Variants in CHERP observed in about 807,000 individuals in gnomAD.
CHERP encodes the protein ERPROT 213-21.
In CHERP, 8 loss-of-function variants were observed where a neutral mutation model predicts 113.8. That is an observed-to-expected ratio of 0.07 (90% CI 0.04 to 0.13). CHERP has a LOEUF of 0.13. Ranked by LOEUF, CHERP falls within the 10% of genes least tolerant of loss-of-function variation. The pLI is 1.00. For synonymous variants in CHERP, 559 were observed against 524.5 expected, an observed-to-expected ratio of 1.07 and a Z score of -0.90; for missense variants, 884 against 1,298.2, an observed-to-expected ratio of 0.68 and a Z score of 4.90.
At chr19:16,521,424 C>A in intron 12 of CHERP, 97 bp downstream of exon 12, 1 of 1,227,984 alleles carries the variant, frequency 8.1e-7, no homozygotes, top group Non-Finnish European at 1.1e-6. Context: ...TCCTGAGGGA[C>A]AGCCACATTT....
rs2085650240 is a variant in CHERP at position 16,525,371 on chromosome 19, G to T, written c.1612C>A (p.Pro538Thr). The change falls in exon 10 of 17, where the codon CCT becomes ACT. Residue 538 changes from proline (P) to threonine (T), a missense_variant. By Grantham distance (38) the Pro-to-Thr change is conservative. Transcript: ENST00000546361. The surrounding 1 kb of genome is among the most constrained non-coding windows in gnomAD (Gnocchi z 6.5). ...PHQQHPQFNQ[P>T]PHPHNFNRFP... ...CGGTTGAAGTTGTGGGGGTGCGGAG[G>T]CTGGTTGAACTGCGGGTGCTGCTGG... The T allele has an allele frequency of 6.7e-7, 1 of 1,493,636 alleles. No individual in the cohort carries two copies. The highest frequency in any genetic ancestry group is 8.9e-7 in the Non-Finnish European group (1 of 1,121,836). The allele number at this position is 1,493,636 out of a possible 1,614,324, so 92.5% of individuals were successfully genotyped here.
Position 16,529,739 on chromosome 19 carries a change from C to T in CHERP, c.1038G>A (p.Gln346=). ...QQQQQQLQMP[Q]MEAEVKATPP... is the part of the protein sequence containing the mutation. ...GCGTGGCCTTGACTTCAGCCTCCAT[C>T]TGCGGCATCTGGAGCTGCTGCTGCT... Residue 346 remains glutamine (Q), a synonymous_variant, in exon 8 of 17, where the codon CAG becomes CAA. Coordinates refer to ENST00000546361, the MANE Select transcript of CHERP (RefSeq NM_006387.6). 1.9e-6 allele frequency: 3 copies of T among 1,610,736 alleles called. No individual in the cohort carries two copies. The South Asian group carries it at 3.3e-5, about 18-fold the overall frequency.
Position 16,530,802 on chromosome 19 carries a change from G to C in CHERP, c.753C>G (p.Ala251=), listed in dbSNP as rs566501795. 6.2e-7 allele frequency: 1 copy of C among 1,613,948 alleles called. No individual in the cohort carries two copies. The highest frequency in any genetic ancestry group is 8.5e-7 in the Non-Finnish European group (1 of 1,179,984). The stretch of plus-strand genomic sequence containing the variant: ...TCTTCTGCTGCTTGTCTTCCTCCAC[G>C]GCCAAGAAGCTGGTGCAGTAGATGG... ...VVPIYCTSFL[A]VEEDKQQKIA... The change falls in exon 6 of 17, where the codon GCC becomes GCG. Residue 251 remains alanine, a synonymous_variant. Coordinates refer to ENST00000546361, the MANE Select transcript of CHERP (RefSeq NM_006387.6). This position sits in a 1 kb window ranked among gnomAD's most constrained non-coding sequence, Gnocchi z 4.1.
intron 5 of CHERP, chr19:16,531,975 C>A (rs12461448): frequency 1.7e-5 from 2 of 115,166 alleles, no homozygotes; most frequent in Non-Finnish European, 3.6e-5. Context: ...TTTTTTTTTT[C>A]TTTTTTGCTA....
At chr19:16,522,915 G>T in intron 11 of CHERP, 137 bp downstream of exon 11, 2 of 1,017,448 alleles carry the variant, frequency 2.0e-6, no homozygotes, top group East Asian at 3.0e-5. Flanking sequence ...TCCCACTGAC[G>T]GATCAGGGTC....
intron 1 of CHERP, 147 bp from the exon 2 acceptor site, chr19:16,542,190 G>A (rs1328543615): frequency 2.8e-6 from 3 of 1,084,214 alleles, no homozygotes; most frequent in East Asian, 6.2e-5. Flanking sequence ...CCCGATAGGG[G>A]CCACACGCTC....
Position 16,542,042 on chromosome 19 carries a change from G to A in CHERP, c.27C>T (p.Asp9=). 1 of 1,610,342 alleles carries A rather than the reference G, an allele frequency of 6.2e-7. No individual in the cohort carries two copies. Among genetic ancestry groups the A allele is most frequent in the South Asian group, 1.1e-5 (1 of 90,806 alleles). Residue 9 remains aspartate, a splice_region_variant and synonymous_variant, in exon 2 of 17, where the codon GAC becomes GAT. Transcript: ENST00000546361. MEMPLPPD[D]QELRNVIDKL... is the part of the protein sequence containing the mutation. ...TGTCGATGACATTTCGAAGCTCCTG[G>A]TCTGGAGGACGGAGAAAAGGCCACG...
At chr19:16,539,693 G>C (rs1183399422) in intron 2 of CHERP, 2 of 152,026 alleles carry the variant, frequency 1.3e-5, no homozygotes, top group African/African-American at 2.4e-5. Flanking sequence ...TTATTAAATA[G>C]ATTCTCTACT....
rs1217871464 is a variant in CHERP at position 16,525,322 on chromosome 19, T to C, written c.1661A>G (p.Asp554Gly). The C allele has an allele frequency of 2.0e-6, 3 of 1,464,470 alleles. No homozygotes were observed. 90.7% of individuals were successfully genotyped at this position (1,464,470 alleles called of 1,614,324 possible). ...FNRFPPRFMQ[D>G]DFPPRHPFER... ...GAAGGGGTGCCGTGGCGGGAAGTCG[T>C]CCTGCATGAAGCGGGGCGGGAAGCG... The change falls in exon 10 of 17, where the codon GAC becomes GGC. Residue 554 changes from aspartate (D) to glycine (G), a missense_variant. Asp to Gly is a moderately conservative substitution (Grantham distance 94). Transcript: ENST00000546361. This position sits in a 1 kb window ranked among gnomAD's most constrained non-coding sequence, Gnocchi z 6.5.
rs1188583689 is a variant in CHERP, at chr19:16,519,554, G to C, written c.2557+67C>G. On this transcript the variant is annotated intron_variant, in intron 16 of 16. Transcript: ENST00000546361. This position sits in a 1 kb window ranked among gnomAD's most constrained non-coding sequence, Gnocchi z 6.0. ...CCACATGCACTGAGGAAGAGAAAGC[G>C]CTGGTGACTCCCGGGCCCAGCACGC... 1.4e-6 allele frequency: 2 copies of C among 1,423,064 alleles called. No homozygotes were observed. Among genetic ancestry groups the C allele is most frequent in the Non-Finnish European group, 2.0e-6 (2 of 1,008,584 alleles). 88.2% of individuals were successfully genotyped at this position (1,423,064 alleles called of 1,614,324 possible).
Position 16,520,159 on chromosome 19 carries a change from G to A in CHERP, c.2452C>T (p.Pro818Ser). The A allele has an allele frequency of 6.2e-7, 1 of 1,612,450 alleles. No individual in the cohort carries two copies. The highest frequency in any genetic ancestry group is 1.1e-5 in the South Asian group (1 of 91,048). ...GRRRRSRSRS[P>S]TPPSSAGLGS... ...AAGACAGGATCTTACGGCGGGGTGG[G>A]GCTCCTGGACCGTGACCGGCGTCTT... The change falls in exon 15 of 17, where the codon CCC becomes TCC. Residue 818 changes from proline to serine, a missense_variant. Coordinates refer to ENST00000546361, the MANE Select transcript of CHERP (RefSeq NM_006387.6). This position sits in a 1 kb window ranked among gnomAD's most constrained non-coding sequence, Gnocchi z 4.0.
At position 16,525,028 on chromosome 19, in the gene CHERP, T is replaced by C. The variant is rs2085647477; in HGVS notation, c.1741+214A>G. ...ACCTTTTCCTACTGGCTCTGCCTCA[T>C]CTGCAGCCAGCCGGGCCTCATCAGG... On this transcript the variant is annotated intron_variant, in intron 10 of 16. Transcript: ENST00000546361. The surrounding 1 kb of genome is among the most constrained non-coding windows in gnomAD (Gnocchi z 6.5). Among the ~76,000 whole-genome samples the C allele has an allele frequency of 1.3e-5, 2 of 152,162 alleles. No individual in the cohort carries two copies. The highest frequency in any genetic ancestry group is 2.9e-5 in the Non-Finnish European group (2 of 68,032).
intron 2 of CHERP, among the ~76,000 whole-genome samples, chr19:16,537,699 TGGATCTGC>T (rs2085750943): frequency 6.6e-6 from 1 of 151,682 alleles, no homozygotes; most frequent in Admixed American, 6.6e-5. Flanking sequence ...GTCACCACCA[TGGATCTGC>T]TGTCACCTGC....
rs1599752449 is a variant in CHERP, at chr19:16,532,544, G to T, written c.674+54C>A. ...CCGGAGCAAGCGGCCACCCAGGAGG[G>T]TTGAGGAGGAGCGCGAGGAAGTGGC... On this transcript the variant is annotated intron_variant, in intron 5 of 16. Transcript: ENST00000546361. The surrounding 1 kb of genome is among the most constrained non-coding windows in gnomAD (Gnocchi z 4.4). The T allele has an allele frequency of 6.6e-7, 1 of 1,516,650 alleles. No homozygotes were observed. Among genetic ancestry groups the T allele is most frequent in the African/African-American group, 1.4e-5 (1 of 73,448 alleles). 93.9% of individuals were successfully genotyped at this position (1,516,650 alleles called of 1,614,324 possible).
rs2085579782 is a variant in CHERP at position 16,519,082 on chromosome 19, A to G, written c.*77T>C. 7.4e-6 allele frequency: 10 copies of G among 1,344,134 alleles called. No individual in the cohort carries two copies. The highest frequency in any genetic ancestry group is 5.0e-5 in the South Asian group (4 of 79,478). The allele number at this position is 1,344,134 out of a possible 1,614,324, so 83.3% of individuals were successfully genotyped here. ...GTGTAAGAACTGAGCTGTCACTGCA[A>G]TCTTCCTCTGCCAGTCAGCCAGGAA... On this transcript the variant is annotated 3_prime_UTR_variant, in exon 17 of 17. Transcript: ENST00000546361. The surrounding 1 kb of genome is among the most constrained non-coding windows in gnomAD (Gnocchi z 6.0).
chr19:16,519,327 A>T lies in CHERP; in HGVS notation c.2583T>A (p.Gly861=), dbSNP rs570874567. 2.7e-5 allele frequency: 43 copies of T among 1,613,054 alleles called. No homozygotes were observed. The East Asian group carries it at 9.4e-4, about 35-fold the overall frequency. The change falls in exon 17 of 17, where the codon GGT becomes GGA. Residue 861 remains glycine, a synonymous_variant. Coordinates refer to ENST00000546361, the MANE Select transcript of CHERP (RefSeq NM_006387.6). The surrounding 1 kb of genome is among the most constrained non-coding windows in gnomAD (Gnocchi z 6.0). ...KMGWSGSGGL[G]AKEQGIQDPI... ...GGTCCTGGATCCCTTGCTCCTTCGC[A>T]CCGAGGCCGCCTGAGCCGCTCCAGC...
intron 12 of CHERP, chr19:16,521,306 C>T: frequency 1.7e-6 from 1 of 579,246 alleles, no homozygotes; most frequent in Non-Finnish European, 3.0e-6. Context: ...GCCACACCTT[C>T]CCTAACTTCT....
At position 16,520,933 on chromosome 19, in the gene CHERP, TGTG is replaced by T; in HGVS notation, c.2115-24_2115-22del. 6.2e-7 allele frequency: 1 copy of T among 1,607,296 alleles called. No homozygotes were observed. Among genetic ancestry groups the T allele is most frequent in the South Asian group, 1.1e-5 (1 of 90,970 alleles). ...CTTCACTGTAAGACACGGCATTCCG[TGTG>T]TGACCACGTGACACCCACCCACAAG... On this transcript the variant is annotated intron_variant, in intron 12 of 16. Transcript: ENST00000546361. This position sits in a 1 kb window ranked among gnomAD's most constrained non-coding sequence, Gnocchi z 4.0.
At position 16,525,563 on chromosome 19, in the gene CHERP, C is replaced by A. The variant is rs748125653; in HGVS notation, c.1420G>T (p.Gly474Cys). ...TTGTTCCAGGGCGCGTCGCGCTGGC[C>A]GTTCCAGCCGGGGTCACCGCGCTGC... Reference protein sequence around the residue: ...GEQRGDPGWNGQRDAPWNNQP... With the variant: ...GEQRGDPGWNCQRDAPWNNQP... Residue 474 changes from glycine (G) to cysteine (C), a missense_variant, in exon 10 of 17, where the codon GGC becomes TGC. Around this residue, in one of 8 missense-constraint regions of CHERP, gnomAD observed 464 missense variants for 590.1 expected, o/e 0.79. Transcript: ENST00000546361. The surrounding 1 kb of genome is among the most constrained non-coding windows in gnomAD (Gnocchi z 6.5). 2 of 1,540,748 alleles carry A rather than the reference C, an allele frequency of 1.3e-6. No individual in the cohort carries two copies. Among genetic ancestry groups the A allele is most frequent in the Non-Finnish European group, 1.7e-6 (2 of 1,146,356 alleles).
Sources: gnomAD v4.1 joint callset for allele counts (sites outside exome capture counted in the v4.1 genomes callset) on GRCh38, gnomAD v4.1.1 for gene constraint, gnomAD v4.1.1 regional missense constraint, Gnocchi (gnomAD v3.1) non-coding constraint, MANE v1.5 for transcripts, NCBI Gene and HGNC (gene_info 2026-07-23, HGNC 2026-07-21) for gene names.